MAPK10: variants seen among roughly 807,000 people sequenced by gnomAD.
MAPK10 encodes JNK3 alpha protein kinase.
MAPK10 carries 25 observed loss-of-function variants against 59.3 expected under a neutral mutation model. The ratio of observed to expected loss-of-function variants is 0.42; its 90% CI spans 0.31 to 0.59. MAPK10 has a LOEUF of 0.59. Ranked by LOEUF, MAPK10 falls within the 20% of genes least tolerant of loss-of-function variation. The probability of loss-of-function intolerance (pLI) is 0.15; values close to 1 mark genes in which losing one functional copy is unlikely to be tolerated. For synonymous variants in MAPK10, 190 were observed against 200.5 expected (o/e 0.95, Z 0.44); for missense variants, 351 against 568.9 (o/e 0.62, Z 3.90).
At chr4:86,209,695 C>A (rs1346657866) in intron 2 of MAPK10, among the ~76,000 whole-genome samples, 1 of 151,922 alleles carries the variant, frequency 6.6e-6, no homozygotes, top group African/African-American at 2.4e-5. Flanking sequence ...AATGTCTATA[C>A]CCTACTCAAA....
rs550016795 is a variant in MAPK10, at chr4:86,300,113, G to T, written c.-7+54417C>A. On this transcript the variant is annotated intron_variant, in intron 2 of 13. Transcript: ENST00000641462. ...TCACCATGTTGTCCAGGCTGGTCTC[G>T]AACTCCTGACCTCAAGTGATCTGCC... Among the ~76,000 whole-genome samples the T allele has an allele frequency of 2.0e-5, 3 of 152,038 alleles. No homozygotes were observed. The East Asian group carries it at 5.8e-4, about 29-fold the overall frequency.
At chr4:86,124,544 C>G (rs2059771802) in intron 4 of MAPK10, 2 of 151,688 alleles carry the variant, frequency 1.3e-5, no homozygotes, top group South Asian at 4.1e-4. Flanking sequence ...GTATTCAGCT[C>G]TTGAAACTTT....
At chr4:86,449,997 G>A (rs1032528356) in intron 1 of MAPK10, among the ~76,000 whole-genome samples, 1 of 152,172 alleles carries the variant, frequency 6.6e-6, no homozygotes, top group Non-Finnish European at 1.5e-5. Flanking sequence ...GCTCCAGAAG[G>A]AAATGCAGCC....
chr4:86,306,050 C>T (rs903550972), intron 2 of MAPK10, among the ~76,000 whole-genome samples: 1 of 152,072 alleles, frequency 6.6e-6, no homozygotes, highest in Non-Finnish European at 1.5e-5. Context: ...TACCCAGATG[C>T]TCTTAAAAAT....
At chr4:86,353,136 C>A (rs112126298) in intron 2 of MAPK10, among the ~76,000 whole-genome samples, 1 of 147,320 alleles carries the variant, frequency 6.8e-6, no homozygotes, top group Non-Finnish European at 1.5e-5. Context: ...CTACCACATC[C>A]GTGGTAGAGT....
At chr4:86,515,134 A>C (rs1362995650) in intron 1 of MAPK10, among the ~76,000 whole-genome samples, 1 of 152,194 alleles carries the variant, frequency 6.6e-6, no homozygotes, top group African/African-American at 2.4e-5. Context: ...TTCACTTATA[A>C]TAATGGTCTC....
intron 9 of MAPK10, chr4:86,095,119 G>A (rs1050137425): frequency 6.6e-6 from 1 of 151,566 alleles, no homozygotes; most frequent in Non-Finnish European, 1.5e-5. Context: ...ATTAATAAGT[G>A]GAAAAGCAAA....
At chr4:86,425,368 CAT>C (rs1747135590) in intron 1 of MAPK10, among the ~76,000 whole-genome samples, 1 of 151,914 alleles carries the variant, frequency 6.6e-6, no homozygotes, top group South Asian at 2.1e-4. Flanking sequence ...AGTTTGAAAA[CAT>C]ATAAAAGATA....
chr4:86,211,900 T>C (rs1005776134), intron 2 of MAPK10, among the ~76,000 whole-genome samples: 2 of 152,066 alleles, frequency 1.3e-5, no homozygotes, highest in Non-Finnish European at 2.9e-5. Context: ...AACTTCAACA[T>C]ATTAAATGTA....
At chr4:86,132,862 C>T (rs996672851) in intron 4 of MAPK10, among the ~76,000 whole-genome samples, 4 of 152,114 alleles carry the variant, frequency 2.6e-5, no homozygotes, top group Non-Finnish European at 4.4e-5. Context: ...AAGTTCAGGG[C>T]TCCCACTGAT....
chr4:86,559,053 A>T (rs2149103473), intron 1 of MAPK10, among the ~76,000 whole-genome samples: 1 of 152,260 alleles, frequency 6.6e-6, no homozygotes, highest in Non-Finnish European at 1.5e-5. Flanking sequence ...CTGCTATTGC[A>T]TTATACCTCA....
chr4:86,219,701 A>G (rs892956847), intron 2 of MAPK10: 3 of 152,156 alleles, frequency 2.0e-5, no homozygotes, highest in Non-Finnish European at 4.4e-5. Context: ...TGACAGTAAC[A>G]TAAATTAGTA....
intron 9 of MAPK10, among the ~76,000 whole-genome samples, chr4:86,071,332 T>C (rs1346504500): frequency 3.9e-5 from 5 of 127,304 alleles, no homozygotes; most frequent in Admixed American, 3.7e-4. Flanking sequence ...TTTTCTCCCA[T>C]TTTGTAGGTT....
At chr4:86,113,168 A>G (rs2057780615) in intron 4 of MAPK10, among the ~76,000 whole-genome samples, 1 of 152,056 alleles carries the variant, frequency 6.6e-6, no homozygotes, top group African/African-American at 2.4e-5. Flanking sequence ...CTTTTTATCC[A>G]GCTTGCCATT....
At chr4:86,588,361 GA>G (rs1762777877) in intron 1 of MAPK10, among the ~76,000 whole-genome samples, 1 of 152,066 alleles carries the variant, frequency 6.6e-6, no homozygotes, top group Non-Finnish European at 1.5e-5. Context: ...TGGTTGTAAA[GA>G]TTTTTTTTAA....
chr4:86,396,265 C>G (rs895778045), intron 1 of MAPK10, among the ~76,000 whole-genome samples: 1 of 152,102 alleles, frequency 6.6e-6, no homozygotes, highest in Non-Finnish European at 1.5e-5. Context: ...GAGAATGGCG[C>G]GAACCCAGGA....
intron 1 of MAPK10, among the ~76,000 whole-genome samples, chr4:86,547,263 C>T (rs997366037): frequency 6.6e-6 from 1 of 152,186 alleles, no homozygotes; most frequent in African/African-American, 2.4e-5. Context: ...GTGGGATCCC[C>T]TTTCTGGGCT....
At chr4:86,318,387 A>T (rs1408664350) in intron 2 of MAPK10, among the ~76,000 whole-genome samples, 3 of 152,132 alleles carry the variant, frequency 2.0e-5, no homozygotes, top group African/African-American at 7.2e-5. Context: ...AAACTAAAAA[A>T]ACTATTTTGA....
chr4:86,067,752 A>C, intron 10 of MAPK10, 21 bp downstream of exon 10: 2 of 1,594,128 alleles, frequency 1.3e-6, no homozygotes, highest in Non-Finnish European at 1.7e-6. Context: ...GTTGTCCTCA[A>C]GTCATTCCTG....
Sources: allele counts gnomAD v4.1 joint callset (sites outside exome capture counted in the v4.1 genomes callset), GRCh38; gene constraint gnomAD v4.1.1; transcripts MANE v1.5; gene names NCBI Gene and HGNC (gene_info 2026-07-23, HGNC 2026-07-21).